The following PRPSAP1 variants were observed in gnomAD, a reference collection of about 807,000 sequenced individuals.
PRPSAP1 encodes the protein phosphoribosyl pyrophosphate synthetase associated protein 1.
PRPSAP1 carries 31 observed loss-of-function variants against 39.4 expected under a neutral mutation model. The ratio of observed to expected loss-of-function variants is 0.79; its 90% CI spans 0.59 to 1.06. The LOEUF (loss-of-function observed/expected upper bound fraction) is 1.06, where lower values mean the gene tolerates loss of function less well. Ranked by LOEUF, PRPSAP1 falls within the 50% of genes least tolerant of loss-of-function variation. The pLI, the probability that PRPSAP1 is intolerant of heterozygous loss-of-function variation, is 0.00. For synonymous variants in PRPSAP1, 212 were observed against 192.6 expected, an observed-to-expected ratio of 1.10 and a Z score of -0.83; for missense variants, 430 against 511.6, an observed-to-expected ratio of 0.84 and a Z score of 1.54.
rs140170440 is a variant in PRPSAP1, at chr17:76,346,087, G to A, written c.224-1350C>T. On this transcript the variant is annotated intron_variant, in intron 2 of 9. Transcript: ENST00000446526. ...TGCCTGAACACACCAGGCACCTGCT[G>A]GAGATGCTGAGGGAAGCGTGTGCAT... 3.0e-3 allele frequency: 933 copies of A among 316,018 alleles called. 2 individuals are homozygous for A. The highest frequency in any genetic ancestry group is 3.7e-3 in the Non-Finnish European group (598 of 161,248). 19.6% of individuals were successfully genotyped at this position (316,018 alleles called of 1,614,324 possible).
intron 3 of PRPSAP1, among the ~76,000 whole-genome samples, chr17:76,333,872 A>T (rs1036092704): frequency 3.3e-5 from 5 of 151,988 alleles, no homozygotes; most frequent in Admixed American, 2.0e-4. Context: ...TCATTCATTC[A>T]TTCTTTCTTT....
At chr17:76,337,281 C>G (rs1011546674) in intron 3 of PRPSAP1, 4 of 152,282 alleles carry the variant, frequency 2.6e-5, no homozygotes, top group Non-Finnish European at 5.9e-5. Flanking sequence ...CCTTACTGCT[C>G]TAGCATTTTG....
At chr17:76,330,720 C>T (rs1283439147) in intron 4 of PRPSAP1, 54 bp from the exon 5 acceptor site, 2 of 1,164,802 alleles carry the variant, frequency 1.7e-6, no homozygotes, top group Non-Finnish European at 2.5e-6. Flanking sequence ...TAAATGGCTA[C>T]AGTGGACCTA....
At chr17:76,318,650 T>C (rs2071152194) in intron 7 of PRPSAP1, among the ~76,000 whole-genome samples, 1 of 152,194 alleles carries the variant, frequency 6.6e-6, no homozygotes, top group South Asian at 2.1e-4. Flanking sequence ...TTATTACATA[T>C]ACAAGAAATA....
intron 3 of PRPSAP1, among the ~76,000 whole-genome samples, chr17:76,338,697 C>T (rs372680983): frequency 9.1e-4 from 137 of 150,724 alleles, no homozygotes; most frequent in East Asian, 8.0e-3. Flanking sequence ...AGCAAGACTC[C>T]GTCTCAAAAA....
At chr17:76,339,533 T>C (rs2071413546) in intron 3 of PRPSAP1, among the ~76,000 whole-genome samples, 1 of 151,852 alleles carries the variant, frequency 6.6e-6, no homozygotes, top group Admixed American at 6.6e-5. Context: ...CTTCCATCCC[T>C]ATCAGCTTAA....
intron 7 of PRPSAP1, among the ~76,000 whole-genome samples, chr17:76,324,724 T>C (rs2071233645): frequency 6.6e-6 from 1 of 151,918 alleles, no homozygotes; most frequent in African/African-American, 2.4e-5. Flanking sequence ...GCACAATCAC[T>C]CTTGCCTGTA....
chr17:76,329,080 T>TA (rs2071288186), intron 6 of PRPSAP1: 1 of 490,424 alleles, frequency 2.0e-6, no homozygotes, highest in Non-Finnish European at 3.4e-6. Context: ...AGACATTTTT[T>TA]TTTTTTTTTG....
chr17:76,312,385 C>T (rs1369271158), intron 9 of PRPSAP1, among the ~76,000 whole-genome samples: 5 of 151,222 alleles, frequency 3.3e-5, no homozygotes, highest in Admixed American at 3.3e-4. Flanking sequence ...TGCAGTGAGC[C>T]GAGATTGCCA....
chr17:76,327,055 A>T (rs2071262466), intron 7 of PRPSAP1, among the ~76,000 whole-genome samples: 1 of 152,212 alleles, frequency 6.6e-6, no homozygotes, highest in African/African-American at 2.4e-5. Flanking sequence ...AAAGCTAAAA[A>T]TGCAGATTAC....
chr17:76,321,938 C>T (rs2071202582), intron 7 of PRPSAP1, among the ~76,000 whole-genome samples: 1 of 152,096 alleles, frequency 6.6e-6, no homozygotes, highest in African/African-American at 2.4e-5. Flanking sequence ...AATAAAATTC[C>T]CTTAAGCCAA....
At chr17:76,313,146 C>T in intron 8 of PRPSAP1, 130 bp from the exon 9 acceptor site, 1 of 1,230,944 alleles carries the variant, frequency 8.1e-7, no homozygotes, top group Non-Finnish European at 1.1e-6. Context: ...GAGCTGTGTG[C>T]CTGGGTCAAA....
intron 3 of PRPSAP1, among the ~76,000 whole-genome samples, chr17:76,339,074 G>A (rs764741619): frequency 1.3e-4 from 19 of 151,500 alleles, no homozygotes; most frequent in Non-Finnish European, 2.4e-4. Flanking sequence ...GTGTTCTTTA[G>A]TTGGTACTAA....
At chr17:76,328,585 G>A in intron 7 of PRPSAP1, 132 bp downstream of exon 7, 2 of 1,191,594 alleles carry the variant, frequency 1.7e-6, no homozygotes, top group East Asian at 5.2e-5. Flanking sequence ...CTCTAGCCTG[G>A]GTGACAGAGT....
At chr17:76,341,009 T>C (rs1364216752) in intron 3 of PRPSAP1, among the ~76,000 whole-genome samples, 2 of 151,892 alleles carry the variant, frequency 1.3e-5, no homozygotes, top group Non-Finnish European at 2.9e-5. Context: ...ATGGGGTCTC[T>C]GCCGTGAGAA....
At chr17:76,345,864 T>C (rs555714706) in intron 2 of PRPSAP1, 75 of 419,758 alleles carry the variant, frequency 1.8e-4, no homozygotes, top group African/African-American at 1.4e-3. Context: ...CTGAAGGGGA[T>C]GCTAAGGGAG....
intron 5 of PRPSAP1, 91 bp from the exon 6 acceptor site, chr17:76,330,189 C>T: frequency 9.0e-7 from 1 of 1,105,086 alleles, no homozygotes. Context: ...TTATAATGAT[C>T]CAAACTAGTC....
intron 7 of PRPSAP1, among the ~76,000 whole-genome samples, chr17:76,316,767 G>A (rs544591835): frequency 3.3e-5 from 5 of 152,158 alleles, no homozygotes; most frequent in Non-Finnish European, 5.9e-5. Context: ...TTCATCAAAC[G>A]ATTTCCAATG....
intron 7 of PRPSAP1, among the ~76,000 whole-genome samples, chr17:76,317,175 C>T (rs763558759): frequency 3.9e-5 from 6 of 152,176 alleles, no homozygotes; most frequent in Non-Finnish European, 8.8e-5. Context: ...CATGGCAAAA[C>T]CCCTTCTCTA....
Sources: gnomAD v4.1 joint callset for allele counts (sites outside exome capture counted in the v4.1 genomes callset) on GRCh38, gnomAD v4.1.1 for gene constraint, MANE v1.5 for transcripts, NCBI Gene and HGNC (gene_info 2026-07-23, HGNC 2026-07-21) for gene names.